Variants in SPATS2L observed in about 807,000 individuals in gnomAD.
SPATS2L encodes SPATS2-like protein.
In SPATS2L, 30 loss-of-function variants were observed where a neutral mutation model predicts 59.6. The ratio of observed to expected loss-of-function variants is 0.50; its 90% CI spans 0.38 to 0.68. The LOEUF (loss-of-function observed/expected upper bound fraction) is 0.68, where lower values mean the gene tolerates loss of function less well. Ranked by LOEUF, SPATS2L falls within the 30% of genes least tolerant of loss-of-function variation. The pLI is 0.00. For missense variants in SPATS2L, 615 were observed against 700.0 expected (o/e 0.88, Z 1.37); for synonymous variants, 252 against 263.5 (o/e 0.96, Z 0.42).
In SPATS2L at chr2:200,481,293, A is replaced by G. The variant is rs1384658125; in HGVS notation, c.*3262A>G. ...AAACATTCTTAGGGAAGGACATCAA[A>G]TGAGGTTAATGGGAAACGTTACCAG... On this transcript the variant is annotated 3_prime_UTR_variant, in exon 13 of 13. Transcript: ENST00000409140. 6.6e-6 allele frequency: 1 copy of G among 152,246 alleles called. No homozygotes were observed. Among genetic ancestry groups the G allele is most frequent in the South Asian group, 2.1e-4 (1 of 4,836 alleles). The allele number at this position is 152,246 out of a possible 1,614,324, so 9.4% of individuals were successfully genotyped here.
At chr2:200,436,775 C>G (rs1329201053) in intron 6 of SPATS2L, among the ~76,000 whole-genome samples, 3 of 152,080 alleles carry the variant, frequency 2.0e-5, no homozygotes, top group African/African-American at 7.2e-5. Context: ...ACACGAAGAT[C>G]TGTGTTTTAA....
Position 200,416,448 on chromosome 2 carries a change from T to C in SPATS2L, c.198+20T>C. 1 of 1,306,298 alleles carries C rather than the reference T, an allele frequency of 7.7e-7. No homozygotes were observed. Among genetic ancestry groups the C allele is most frequent in the Non-Finnish European group, 1.0e-6 (1 of 957,964 alleles). The allele number at this position is 1,306,298 out of a possible 1,614,324, so 80.9% of individuals were successfully genotyped here. The stretch of plus-strand genomic sequence containing the variant: ...AAGAAGGTAAGATTAATATTGATTG[T>C]AAATTGGTAACATCTTCAATCAAAA... On this transcript the variant is annotated intron_variant, in intron 5 of 12. Coordinates refer to ENST00000409140, the MANE Select transcript of SPATS2L (RefSeq NM_001100423.2).
At chr2:200,326,086 G>A (rs2079729743) in intron 1 of SPATS2L, among the ~76,000 whole-genome samples, 1 of 152,152 alleles carries the variant, frequency 6.6e-6, no homozygotes, top group African/African-American at 2.4e-5. Flanking sequence ...AGGTAGAAAG[G>A]GTGTAGTCTG....
Position 200,477,698 on chromosome 2 carries a change from G to T in SPATS2L, c.1344G>T (p.Gly448=). ...AGTATCATAACAACAGGCTAAATGGGCCTGCCAAGTCGCAGGGCAGTGGGA... is the reference window on the plus strand; with the variant it reads ...AGTATCATAACAACAGGCTAAATGGTCCTGCCAAGTCGCAGGGCAGTGGGA... ...NPQYHNNRLN[G]PAKSQGSGNE... Residue 448 remains glycine, a synonymous_variant, in exon 13 of 13, where the codon GGG becomes GGT. Transcript: ENST00000409140. 1 of 1,565,956 alleles carries T rather than the reference G, an allele frequency of 6.4e-7. No homozygotes were observed. Among genetic ancestry groups the T allele is most frequent in the Non-Finnish European group, 8.7e-7 (1 of 1,154,838 alleles).
At chr2:200,407,297 G>A (rs1339529417) in intron 3 of SPATS2L, among the ~76,000 whole-genome samples, 1 of 152,164 alleles carries the variant, frequency 6.6e-6, no homozygotes, top group Non-Finnish European at 1.5e-5. Flanking sequence ...GCAGAAGCAA[G>A]ATTAGAACAT....
chr2:200,409,298 C>G (rs2082794313), intron 3 of SPATS2L, among the ~76,000 whole-genome samples: 1 of 152,224 alleles, frequency 6.6e-6, no homozygotes, highest in South Asian at 2.1e-4. Context: ...AGCCTTTCAG[C>G]ACAACCTCAC....
intron 2 of SPATS2L, among the ~76,000 whole-genome samples, chr2:200,375,200 C>T (rs295124): frequency 0.21 from 32,676 of 152,196 alleles, 6,585 homozygotes; most frequent in African/African-American, 0.54. Flanking sequence ...AAATCCCTCT[C>T]TGTGCTGGAG....
intron 12 of SPATS2L, among the ~76,000 whole-genome samples, chr2:200,475,165 C>T (rs760685469): frequency 5.9e-5 from 9 of 152,246 alleles, no homozygotes; most frequent in Non-Finnish European, 1.2e-4. Context: ...GTGCAAGGCC[C>T]CTTACAATGT....
intron 6 of SPATS2L, among the ~76,000 whole-genome samples, chr2:200,420,338 A>G (rs185641218): frequency 3.3e-5 from 5 of 150,308 alleles, no homozygotes; most frequent in African/African-American, 1.3e-4. Flanking sequence ...CAGAATTTCA[A>G]TAAATAAAAA....
chr2:200,373,137 C>G (rs2081482332), intron 2 of SPATS2L: 1 of 152,118 alleles, frequency 6.6e-6, no homozygotes, highest in Non-Finnish European at 1.5e-5. Context: ...TTTTCCCCAC[C>G]ATACAGCATG....
At chr2:200,458,216 A>G (rs1299644550) in intron 8 of SPATS2L, among the ~76,000 whole-genome samples, 1 of 152,246 alleles carries the variant, frequency 6.6e-6, no homozygotes, top group Non-Finnish European at 1.5e-5. Flanking sequence ...AATAAGAAAG[A>G]GTTATAGAAT....
intron 2 of SPATS2L, among the ~76,000 whole-genome samples, chr2:200,376,313 C>T (rs1472670615): frequency 6.6e-6 from 1 of 152,164 alleles, no homozygotes. Flanking sequence ...GGAAAGTTCA[C>T]TAAGATAGTA....
intron 2 of SPATS2L, among the ~76,000 whole-genome samples, chr2:200,370,208 A>G (rs1367756444): frequency 2.0e-5 from 3 of 152,252 alleles, no homozygotes; most frequent in Non-Finnish European, 4.4e-5. Flanking sequence ...TCTGGAATTT[A>G]TTCTGAAAAC....
At chr2:200,473,257 G>T (rs1176689033) in intron 12 of SPATS2L, among the ~76,000 whole-genome samples, 1 of 152,100 alleles carries the variant, frequency 6.6e-6, no homozygotes, top group Non-Finnish European at 1.5e-5. Context: ...TGCCTGCCAG[G>T]TGCTTTCCCA....
chr2:200,466,603 A>C (rs1260071828), intron 9 of SPATS2L, among the ~76,000 whole-genome samples: 1 of 152,230 alleles, frequency 6.6e-6, no homozygotes, highest in Non-Finnish European at 1.5e-5. Flanking sequence ...AGGTGCTAAA[A>C]AATTCACACG....
intron 8 of SPATS2L, among the ~76,000 whole-genome samples, chr2:200,450,516 C>A (rs1194627935): frequency 2.0e-5 from 3 of 152,194 alleles, no homozygotes; most frequent in Admixed American, 2.0e-4. Context: ...TCTTGCCATG[C>A]CTTCGCTACC....
chr2:200,426,075 G>A (rs999183638), intron 6 of SPATS2L, among the ~76,000 whole-genome samples: 2 of 137,486 alleles, frequency 1.5e-5, no homozygotes, highest in African/African-American at 5.4e-5. Context: ...ATAACCATAG[G>A]TTTTTACTTT....
At chr2:200,473,080 G>T in intron 12 of SPATS2L, 28 bp downstream of exon 12, 8 of 1,443,456 alleles carry the variant, frequency 5.5e-6, no homozygotes, top group Non-Finnish European at 6.5e-6. Flanking sequence ...CAGGGTGCCA[G>T]AGGAAAAAAA....
intron 8 of SPATS2L, among the ~76,000 whole-genome samples, chr2:200,448,824 A>T (rs2085242377): frequency 6.6e-6 from 1 of 152,168 alleles, no homozygotes; most frequent in Non-Finnish European, 1.5e-5. Context: ...CTTGCAAGGG[A>T]CACCAAGAGA....
Sources: gnomAD v4.1 joint callset for allele counts (sites outside exome capture counted in the v4.1 genomes callset) on GRCh38, gnomAD v4.1.1 for gene constraint, MANE v1.5 for transcripts, NCBI Gene and HGNC (gene_info 2026-07-23, HGNC 2026-07-21) for gene names.